Variants in VPS41 observed in about 807,000 individuals in gnomAD.
VPS41 encodes the protein VPS41 subunit of HOPS complex, also known as vacuolar protein sorting-associated protein 41 homolog.
Under a neutral mutation model 130.9 loss-of-function variants are expected in VPS41, and 85 were observed. That is an observed-to-expected ratio of 0.65 (90% CI 0.55 to 0.78). The LOEUF is 0.78. VPS41 is among the 30% of genes least tolerant of loss of function. The probability of loss-of-function intolerance (pLI) is 0.00; values close to 1 mark genes in which losing one functional copy is unlikely to be tolerated. For synonymous variants in VPS41, 335 were observed against 332.9 expected (o/e 1.01, Z -0.07); for missense variants, 874 against 1,018.7 (o/e 0.86, Z 1.93).
rs1231695619 is a variant in VPS41 at position 38,723,936 on chromosome 7, C to T, written c.*2310G>A. ...ATGAAAAGTAAAAAGGATTGAATAT[C>T]CTTTAATAAATCACCCAATACTGTT... is the stretch of plus-strand genomic sequence containing the variant. On this transcript the variant is annotated 3_prime_UTR_variant, in exon 29 of 29. Transcript: ENST00000310301. 6.6e-6 allele frequency: 1 copy of T among 151,892 alleles called. No individual in the cohort carries two copies. Among genetic ancestry groups the T allele is most frequent in the Non-Finnish European group, 1.5e-5 (1 of 67,978 alleles). The allele number at this position is 151,892 out of a possible 1,614,324, so 9.4% of individuals were successfully genotyped here.
chr7:38,793,892 C>T (rs1784576474), intron 9 of VPS41, among the ~76,000 whole-genome samples: 1 of 152,100 alleles, frequency 6.6e-6, no homozygotes, highest in African/African-American at 2.4e-5. Flanking sequence ...AGGGCCCACC[C>T]AGATAATGTA....
intron 10 of VPS41, among the ~76,000 whole-genome samples, chr7:38,785,897 C>T (rs1784428980): frequency 1.3e-5 from 2 of 152,146 alleles, no homozygotes; most frequent in African/African-American, 4.8e-5. Context: ...CTCTCAATCT[C>T]AGGATAAAGC....
chr7:38,757,247 G>A (rs547229808), intron 18 of VPS41, among the ~76,000 whole-genome samples: 19 of 152,210 alleles, frequency 1.2e-4, no homozygotes, highest in Middle Eastern at 3.4e-3. Context: ...TTTATTGGGG[G>A]TCTCAGTCTC....
intron 3 of VPS41, among the ~76,000 whole-genome samples, chr7:38,867,936 A>G (rs1170947715): frequency 6.6e-6 from 1 of 152,218 alleles, no homozygotes; most frequent in East Asian, 1.9e-4. Context: ...CATTTCATAG[A>G]CACAGAAAAA....
rs75541470 is a variant in VPS41, at chr7:38,868,836, T to C, written c.168+310A>G. 3.7e-3 allele frequency among the ~76,000 whole-genome samples: 561 copies of C among 152,310 alleles called. 7 individuals carry two copies. Among genetic ancestry groups the C allele is most frequent in the African/African-American group, 0.013 (526 of 41,560 alleles). On this transcript the variant is annotated intron_variant, in intron 3 of 28. Coordinates refer to ENST00000310301, the MANE Select transcript of VPS41 (RefSeq NM_014396.4). ...ATTTCTAATCTTAACAGGTTCCTAA[T>C]TGAATCCTTATAATTTGAGGAATTA... is the stretch of plus-strand genomic sequence containing the variant.
intron 22 of VPS41, among the ~76,000 whole-genome samples, chr7:38,749,614 T>C (rs1465640100): frequency 6.6e-6 from 1 of 152,154 alleles, no homozygotes; most frequent in Non-Finnish European, 1.5e-5. Flanking sequence ...AAGGGAGGCT[T>C]TATAATTTCA....
At chr7:38,768,256 A>T (rs2115820899) in intron 14 of VPS41, among the ~76,000 whole-genome samples, 1 of 152,204 alleles carries the variant, frequency 6.6e-6, no homozygotes, top group African/African-American at 2.4e-5. Context: ...CTCTTGCTTG[A>T]TCTCCCCATG....
At chr7:38,841,628 T>C (rs1785610250) in intron 4 of VPS41, among the ~76,000 whole-genome samples, 1 of 152,164 alleles carries the variant, frequency 6.6e-6, no homozygotes, top group African/African-American at 2.4e-5. Context: ...TTGTTGTTGT[T>C]GTTTTGCTCT....
chr7:38,792,064 G>C (rs1784545492), intron 9 of VPS41, among the ~76,000 whole-genome samples: 1 of 152,134 alleles, frequency 6.6e-6, no homozygotes, highest in African/African-American at 2.4e-5. Context: ...GGCCTGACTG[G>C]TATCTCGCTG....
rs542529607 is a variant in VPS41 at position 38,725,667 on chromosome 7, T to A, written c.*579A>T. 5 of 153,042 alleles carry A rather than the reference T, an allele frequency of 3.3e-5. No homozygotes were observed. The highest frequency in any genetic ancestry group is 7.3e-5 in the Non-Finnish European group (5 of 68,524). The allele number at this position is 153,042 out of a possible 1,614,324, so 9.5% of individuals were successfully genotyped here. ...AACATGTGATTAGTAAACATAATGG[T>A]GCAGGACATCAGCCTGCTAATGTTA... On this transcript the variant is annotated 3_prime_UTR_variant, in exon 29 of 29. Coordinates refer to ENST00000310301, the MANE Select transcript of VPS41 (RefSeq NM_014396.4).
At chr7:38,820,314 C>T (rs1785147260) in intron 6 of VPS41, among the ~76,000 whole-genome samples, 1 of 152,202 alleles carries the variant, frequency 6.6e-6, no homozygotes, top group South Asian at 2.1e-4. Flanking sequence ...TCACCCTCCA[C>T]TCTGGCAAAT....
chr7:38,855,905 A>G (rs1048502149), intron 4 of VPS41, among the ~76,000 whole-genome samples: 5 of 152,220 alleles, frequency 3.3e-5, no homozygotes, highest in Non-Finnish European at 5.9e-5. Flanking sequence ...TTGAACTGCC[A>G]TAACAAAATA....
intron 9 of VPS41, among the ~76,000 whole-genome samples, chr7:38,793,266 T>C (rs965897571): frequency 1.3e-5 from 2 of 152,232 alleles, no homozygotes; most frequent in African/African-American, 2.4e-5. Context: ...TGCAGGCACC[T>C]GGTAAACGTT....
chr7:38,851,054 A>G (rs1465013502), intron 4 of VPS41, among the ~76,000 whole-genome samples: 1 of 152,206 alleles, frequency 6.6e-6, no homozygotes, highest in Non-Finnish European at 1.5e-5. Context: ...CAAAGGACAG[A>G]GTCAGTAACA....
intron 7 of VPS41, among the ~76,000 whole-genome samples, chr7:38,798,600 T>G (rs1009496975): frequency 6.6e-6 from 1 of 152,108 alleles, no homozygotes; most frequent in Admixed American, 6.6e-5. Flanking sequence ...GCCACAACAA[T>G]TAAACATGAT....
At chr7:38,754,674 G>A in intron 21 of VPS41, 28 bp downstream of exon 21, 1 of 1,605,282 alleles carries the variant, frequency 6.2e-7, no homozygotes, top group Middle Eastern at 1.7e-4. Flanking sequence ...CAATCAAAAG[G>A]GCAAAAGGAG....
intron 4 of VPS41, among the ~76,000 whole-genome samples, chr7:38,831,508 T>G (rs1352947082): frequency 6.6e-6 from 1 of 152,224 alleles, no homozygotes; most frequent in Non-Finnish European, 1.5e-5. Flanking sequence ...GATCCAATAA[T>G]GAAAGTAACT....
chr7:38,899,064 G>A (rs557804035), intron 1 of VPS41, among the ~76,000 whole-genome samples: 5 of 152,110 alleles, frequency 3.3e-5, no homozygotes, highest in African/African-American at 7.2e-5. Context: ...GTTGGACAGC[G>A]GGATAAATGT....
chr7:38,875,714 G>T (rs1025831301), intron 2 of VPS41, among the ~76,000 whole-genome samples: 1 of 152,176 alleles, frequency 6.6e-6, no homozygotes, highest in African/African-American at 2.4e-5. Context: ...TGAAGATAAT[G>T]GAATTCATCT....
Sources: gnomAD v4.1 joint callset for allele counts (sites outside exome capture counted in the v4.1 genomes callset) on GRCh38, gnomAD v4.1.1 for gene constraint, MANE v1.5 for transcripts, NCBI Gene and HGNC (gene_info 2026-07-23, HGNC 2026-07-21) for gene names.